The following TRRAP variants were observed in gnomAD, a reference collection of about 807,000 sequenced individuals.
TRRAP encodes the protein transformation/transcription domain-associated protein.
In TRRAP, 41 loss-of-function variants were observed where a neutral mutation model predicts 438.8. The ratio of observed to expected loss-of-function variants is 0.09; its 90% CI spans 0.07 to 0.12. The LOEUF (loss-of-function observed/expected upper bound fraction) is 0.12, where lower values mean the gene tolerates loss of function less well. Ranked by LOEUF, TRRAP falls within the 10% of genes least tolerant of loss-of-function variation. The pLI is 1.00. For synonymous variants in TRRAP, 1,994 were observed against 1,962.9 expected (o/e 1.02, Z -0.42); for missense variants, 3,122 against 5,055.1 (o/e 0.62, Z 11.60).
chr7:98,988,144 T>G (rs1793232315), intron 62 of TRRAP, among the ~76,000 whole-genome samples: 1 of 152,202 alleles, frequency 6.6e-6, no homozygotes. Flanking sequence ...CACCTGGGTC[T>G]GAAGTTCCCT....
intron 20 of TRRAP, among the ~76,000 whole-genome samples, chr7:98,920,569 G>GT (rs781991768): frequency 6.6e-6 from 1 of 152,086 alleles, no homozygotes; most frequent in Non-Finnish European, 1.5e-5. Context: ...GAAATTTACA[G>GT]TTTTTTGCGA....
chr7:98,888,089 G>T (rs1795794330), intron 3 of TRRAP, among the ~76,000 whole-genome samples: 1 of 152,158 alleles, frequency 6.6e-6, no homozygotes. Context: ...AATTAGCCGG[G>T]CCTGGTGGCG....
intron 39 of TRRAP, among the ~76,000 whole-genome samples, chr7:98,951,449 G>A (rs1554418245): frequency 3.3e-5 from 5 of 152,154 alleles, no homozygotes; most frequent in African/African-American, 1.2e-4. Context: ...GAAACCCTGT[G>A]GTGGCCGTAG....
At position 98,994,926 on chromosome 7, in the gene TRRAP, T is replaced by C. The variant is rs1793579734; in HGVS notation, c.10309+78T>C. 1 of 1,559,250 alleles carries C rather than the reference T, an allele frequency of 6.4e-7. No homozygotes were observed. Among genetic ancestry groups the C allele is most frequent in the African/African-American group, 1.4e-5 (1 of 73,760 alleles). On this transcript the variant is annotated intron_variant, in intron 67 of 72. Coordinates refer to ENST00000456197, the MANE Select transcript of TRRAP (RefSeq NM_001375524.1). This position sits in a 1 kb window ranked among gnomAD's most constrained non-coding sequence, Gnocchi z 4.8. ...CCTCCGGCTTTAGTGTTGAAGCTGA[T>C]TGGATCCTTGGTTTTCTGATCACTG...
chr7:98,926,858 A>G, intron 22 of TRRAP, among the ~76,000 whole-genome samples: 1 of 151,890 alleles, frequency 6.6e-6, no homozygotes, highest in Non-Finnish European at 1.5e-5. Context: ...TCTACTAAAA[A>G]TACAAAAAAA....
At chr7:98,982,539 CTG>C (rs1399494391) in intron 59 of TRRAP, among the ~76,000 whole-genome samples, 12 of 152,218 alleles carry the variant, frequency 7.9e-5, no homozygotes, top group Admixed American at 5.9e-4. Context: ...TGGAGGGAGA[CTG>C]TGATTCAGAG....
intron 18 of TRRAP, 112 bp from the exon 19 acceptor site, chr7:98,915,611 C>G: frequency 7.5e-7 from 1 of 1,326,160 alleles, no homozygotes; most frequent in Non-Finnish European, 1.0e-6. Flanking sequence ...TTGGAGTAAA[C>G]ACATCAGAAT....
In TRRAP at chr7:98,967,140, G is replaced by C; in HGVS notation, c.7276G>C (p.Asp2426His). 1 of 1,613,906 alleles carries C rather than the reference G, an allele frequency of 6.2e-7. No individual in the cohort carries two copies. Among genetic ancestry groups the C allele is most frequent in the South Asian group, 1.1e-5 (1 of 91,054 alleles). The change falls in exon 50 of 73, where the codon GAT becomes CAT. Residue 2426 changes from aspartate to histidine, a missense_variant. By Grantham distance (81) the Asp-to-His change is moderately conservative. Transcript: ENST00000456197. ...CCTTGAATTAAATGCCCAGTTTTTA[G>C]ATCTTGTTAACTATGTCTACAGGTA... ...EDLELNAQFL[D>H]LVNYVYRDET...
At chr7:98,933,149 T>C in intron 26 of TRRAP, 92 bp from the exon 27 acceptor site, 1 of 1,442,774 alleles carries the variant, frequency 6.9e-7, no homozygotes, top group Non-Finnish European at 9.2e-7. Context: ...CTGTAATAAC[T>C]TTGGATCTCA....
intron 1 of TRRAP, among the ~76,000 whole-genome samples, chr7:98,880,209 A>G (rs1795356618): frequency 6.7e-6 from 1 of 150,218 alleles, no homozygotes; most frequent in African/African-American, 2.5e-5. Context: ...AGTCACACGT[A>G]CGACCAAGGT....
At chr7:98,985,961 T>C (rs2116772911) in intron 62 of TRRAP, among the ~76,000 whole-genome samples, 1 of 152,316 alleles carries the variant, frequency 6.6e-6, no homozygotes, top group Non-Finnish European at 1.5e-5. Context: ...CCCCTCCCCC[T>C]TTCTCTTGAC....
chr7:98,975,247 G>A (rs905050355), intron 53 of TRRAP, among the ~76,000 whole-genome samples: 1 of 152,200 alleles, frequency 6.6e-6, no homozygotes, highest in African/African-American at 2.4e-5. Context: ...TCTGTTTTTA[G>A]TAGAAACGTG....
At chr7:98,884,235 A>G (rs888153656) in intron 3 of TRRAP, among the ~76,000 whole-genome samples, 3 of 151,736 alleles carry the variant, frequency 2.0e-5, no homozygotes, top group African/African-American at 7.3e-5. Context: ...TCATCTTGCA[A>G]TCTTTTTGTT....
chr7:98,973,072 C>G (rs532222183), intron 53 of TRRAP, among the ~76,000 whole-genome samples: 2 of 152,218 alleles, frequency 1.3e-5, no homozygotes, highest in East Asian at 3.9e-4. Context: ...CTCCATCTCC[C>G]AGGTTCTAGC....
At chr7:98,891,642 TCTC>T (rs1293753511) in intron 4 of TRRAP, among the ~76,000 whole-genome samples, 4 of 151,628 alleles carry the variant, frequency 2.6e-5, no homozygotes, top group African/African-American at 7.3e-5. Flanking sequence ...TTCACACCAT[TCTC>T]CTGCCTCAGC....
intron 14 of TRRAP, among the ~76,000 whole-genome samples, chr7:98,909,751 T>C (rs568485556): frequency 6.6e-6 from 1 of 151,634 alleles, no homozygotes; most frequent in South Asian, 2.1e-4. Context: ...AGCCAGACTC[T>C]GCACATGCAA....
At chr7:98,947,894 AC>A (rs2116601291) in intron 33 of TRRAP, among the ~76,000 whole-genome samples, 1 of 152,230 alleles carries the variant, frequency 6.6e-6, no homozygotes, top group Non-Finnish European at 1.5e-5. Context: ...CTGTGAGGGG[AC>A]TATTATGGCA....
At chr7:98,881,916 ATTAACATAATTTCC>A (rs1201150103) in intron 2 of TRRAP, 45 bp from the exon 3 acceptor site, 27 of 1,562,766 alleles carry the variant, frequency 1.7e-5, no homozygotes, top group South Asian at 1.3e-4. Flanking sequence ...CAAGTTTTGC[ATTAACATAATTTCC>A]TTAACATAAT....
At chr7:98,980,345 G>A (rs1792857038) in intron 58 of TRRAP, among the ~76,000 whole-genome samples, 1 of 152,168 alleles carries the variant, frequency 6.6e-6, no homozygotes, top group Non-Finnish European at 1.5e-5. Context: ...AGCAATTCCT[G>A]TAAACTTCCC....
Sources: allele counts gnomAD v4.1 joint callset (sites outside exome capture counted in the v4.1 genomes callset), GRCh38; gene constraint gnomAD v4.1.1; non-coding constraint Gnocchi (gnomAD v3.1); transcripts MANE v1.5; gene names NCBI Gene and HGNC (gene_info 2026-07-23, HGNC 2026-07-21).